The following EXD1 variants were observed in gnomAD, a reference collection of about 807,000 sequenced individuals.
The protein encoded by EXD1 is piRNA biogenesis protein EXD1.
Under a neutral mutation model 49.1 loss-of-function variants are expected in EXD1, and 63 were observed. The observed-to-expected ratio is 1.28, with a 90% confidence interval of 1.05 to 1.58. The LOEUF (loss-of-function observed/expected upper bound fraction) is 1.58, where lower values mean the gene tolerates loss of function less well. Among genes scored for constraint, EXD1 ranks in the 40% most tolerant of loss-of-function variants. The probability of loss-of-function intolerance (pLI) is 0.00; values close to 1 mark genes in which losing one functional copy is unlikely to be tolerated. For synonymous variants in EXD1, 234 were observed against 239.2 expected (o/e 0.98, Z 0.20); for missense variants, 748 against 666.0 (o/e 1.12, Z -1.36).
intron 6 of EXD1, among the ~76,000 whole-genome samples, chr15:41,211,740 G>T (rs1215560599): frequency 2.0e-5 from 3 of 146,608 alleles, no homozygotes; most frequent in African/African-American, 7.8e-5. Context: ...AAGACAGACT[G>T]CTTGAGTCCA....
At chr15:41,187,539 A>T (rs2046432746) in intron 11 of EXD1, among the ~76,000 whole-genome samples, 1 of 152,176 alleles carries the variant, frequency 6.6e-6, no homozygotes, top group Non-Finnish European at 1.5e-5. Flanking sequence ...AAAAGTTACC[A>T]TCTATTCCAA....
rs1283120137 is a variant in EXD1, at chr15:41,230,728, G to C, written c.-303C>G. 1 of 617,956 alleles carries C rather than the reference G, an allele frequency of 1.6e-6. No homozygotes were observed. Among genetic ancestry groups the C allele is most frequent in the African/African-American group, 1.9e-5 (1 of 53,852 alleles). The allele number at this position is 617,956 out of a possible 1,614,324, so 38.3% of individuals were successfully genotyped here. On this transcript the variant is annotated 5_prime_UTR_variant, in exon 1 of 12. Transcript: ENST00000458580. ...CGGGGACACACGCCGCAGAGGCGAC[G>C]CCCGCCCGGCCCAACGTCCAGTCTC...
intron 11 of EXD1, among the ~76,000 whole-genome samples, chr15:41,188,117 G>C (rs1291983388): frequency 6.7e-6 from 1 of 149,244 alleles, no homozygotes; most frequent in African/African-American, 2.5e-5. Context: ...TTCCTGTAAA[G>C]AACAAAACAG....
At chr15:41,186,599 G>A (rs913506137) in intron 11 of EXD1, among the ~76,000 whole-genome samples, 13 of 149,988 alleles carry the variant, frequency 8.7e-5, no homozygotes, top group African/African-American at 2.4e-4. Context: ...TAGCATTTAC[G>A]TTGTATTAGC....
At chr15:41,216,367 C>A (rs1237133002) in intron 5 of EXD1, among the ~76,000 whole-genome samples, 1 of 151,706 alleles carries the variant, frequency 6.6e-6, no homozygotes, top group Non-Finnish European at 1.5e-5. Flanking sequence ...CACAGTGGCT[C>A]ATGCCTTTAA....
At chr15:41,187,807 G>A (rs1308501614) in intron 11 of EXD1, among the ~76,000 whole-genome samples, 1 of 151,976 alleles carries the variant, frequency 6.6e-6, no homozygotes, top group African/African-American at 2.4e-5. Context: ...CCTGAGGTCA[G>A]GAGTTCGAGA....
intron 1 of EXD1, among the ~76,000 whole-genome samples, chr15:41,229,919 A>G (rs1028683613): frequency 1.3e-5 from 2 of 152,116 alleles, no homozygotes; most frequent in Non-Finnish European, 2.9e-5. Flanking sequence ...AAAGCCTGCT[A>G]CGACAAAAAT....
At chr15:41,191,010 C>T (rs2046505909) in intron 10 of EXD1, among the ~76,000 whole-genome samples, 2 of 152,034 alleles carry the variant, frequency 1.3e-5, no homozygotes, top group African/African-American at 4.8e-5. Context: ...ACCGCCCCTG[C>T]CCCCAACTCC....
At chr15:41,185,817 G>A (rs904808354) in intron 11 of EXD1, among the ~76,000 whole-genome samples, 54 of 151,920 alleles carry the variant, frequency 3.6e-4, no homozygotes, top group African/African-American at 1.2e-3. Context: ...CACCACACCC[G>A]GCATCCGATT....
chr15:41,206,224 C>G (rs983727013), intron 7 of EXD1, among the ~76,000 whole-genome samples: 3 of 151,990 alleles, frequency 2.0e-5, no homozygotes, highest in Admixed American at 2.0e-4. Flanking sequence ...AATCCCAGCA[C>G]TTTGGGAAGC....
intron 2 of EXD1, among the ~76,000 whole-genome samples, chr15:41,221,628 T>G (rs745829309): frequency 6.6e-6 from 1 of 151,762 alleles, no homozygotes; most frequent in Non-Finnish European, 1.5e-5. Context: ...CTCCTTCCAG[T>G]CTCCCTAGCT....
intron 3 of EXD1, chr15:41,219,529 G>A (rs2047054389): frequency 3.8e-6 from 1 of 261,734 alleles, no homozygotes; most frequent in South Asian, 9.9e-5. Context: ...GAGGAATTGT[G>A]AATGGACTGT....
intron 5 of EXD1, among the ~76,000 whole-genome samples, chr15:41,216,466 T>C (rs151031603): frequency 0.026 from 4,019 of 152,148 alleles, 113 homozygotes; most frequent in African/African-American, 0.072. Context: ...ACCCCGTCTC[T>C]ACTAAAAATA....
At chr15:41,192,541 C>T (rs997187119) in intron 9 of EXD1, among the ~76,000 whole-genome samples, 13 of 151,026 alleles carry the variant, frequency 8.6e-5, no homozygotes, top group Non-Finnish European at 1.9e-4. Context: ...GTGATCCGCC[C>T]GCCTTGGGCT....
intron 7 of EXD1, among the ~76,000 whole-genome samples, chr15:41,199,732 T>TC (rs1566980619): frequency 2.5e-5 from 2 of 78,842 alleles, no homozygotes; most frequent in Non-Finnish European, 4.6e-5. Context: ...TTATATATGA[T>TC]ATATATGTCA....
rs749392708 is a variant in EXD1, at chr15:41,216,664, T to C, written c.388+4A>G. On this transcript the variant is annotated splice_donor_region_variant and intron_variant, in intron 5 of 11. Coordinates refer to ENST00000458580, the MANE Select transcript of EXD1 (RefSeq NM_001286441.2). ...AAAAGAAAATTCAGAGCCCCTATATTCACCTGATGGGCTGTACTTGAGGTC... is the reference window on the plus strand; with the variant it reads ...AAAAGAAAATTCAGAGCCCCTATATCCACCTGATGGGCTGTACTTGAGGTC... The C allele has an allele frequency of 3.7e-6, 6 of 1,604,380 alleles. No homozygotes were observed. In the African/African-American group the frequency reaches 8.1e-5, roughly 22 times the overall value.
intron 7 of EXD1, among the ~76,000 whole-genome samples, chr15:41,204,718 C>A (rs2046795923): frequency 6.6e-6 from 1 of 151,974 alleles, no homozygotes; most frequent in East Asian, 1.9e-4. Context: ...GCAACAGAGA[C>A]TCCATCTCAA....
chr15:41,184,656 CA>C, intron 11 of EXD1, 63 bp from the exon 12 acceptor site: 8 of 1,298,170 alleles, frequency 6.2e-6, no homozygotes, highest in Admixed American at 3.5e-5. Context: ...TACTTAAAAT[CA>C]CTTTTTTTTT....
chr15:41,216,993 C>T, intron 4 of EXD1, 104 bp downstream of exon 4: 1 of 1,326,578 alleles, frequency 7.5e-7, no homozygotes, highest in South Asian at 1.3e-5. Flanking sequence ...ATTTCTATTT[C>T]CTTATGCCAA....
Sources: allele counts gnomAD v4.1 joint callset (sites outside exome capture counted in the v4.1 genomes callset), GRCh38; gene constraint gnomAD v4.1.1; transcripts MANE v1.5; gene names NCBI Gene and HGNC (gene_info 2026-07-23, HGNC 2026-07-21).